Variants in AHRR observed in about 807,000 individuals in gnomAD.
AHRR encodes the protein aryl hydrocarbon receptor repressor, also known as ahR repressor.
In AHRR, 28 loss-of-function variants were observed where a neutral mutation model predicts 44.0. That is an observed-to-expected ratio of 0.64 (90% confidence interval 0.47 to 0.87). AHRR has a LOEUF of 0.87. AHRR is among the 40% of genes least tolerant of loss of function. The pLI is 0.00. For missense variants in AHRR, 990 were observed against 953.9 expected (o/e 1.04, Z -0.50); for synonymous variants, 434 against 407.0 (o/e 1.07, Z -0.80).
intron 2 of AHRR, among the ~76,000 whole-genome samples, chr5:350,441 A>T (rs764099607): frequency 6.6e-5 from 10 of 152,162 alleles, no homozygotes; most frequent in Admixed American, 3.3e-4. Context: ...TCTGCCCTGG[A>T]GTGAACTGGA....
At chr5:415,426 C>G (rs1466831163) in intron 5 of AHRR, among the ~76,000 whole-genome samples, 28 of 125,820 alleles carry the variant, frequency 2.2e-4, no homozygotes, top group East Asian at 2.9e-4. Flanking sequence ...GCCTAGGGGC[C>G]GAATCTGCCT....
intron 7 of AHRR, among the ~76,000 whole-genome samples, chr5:426,895 G>A (rs1176173605): frequency 1.3e-5 from 2 of 151,562 alleles, no homozygotes; most frequent in East Asian, 3.9e-4. Context: ...GTGGGTGGCT[G>A]GGTAGATGAA....
At chr5:433,831 G>A (rs752625815) in intron 10 of AHRR, 22 bp from the exon 11 acceptor site, 2 of 1,476,848 alleles carry the variant, frequency 1.4e-6, no homozygotes, top group Non-Finnish European at 1.8e-6. Flanking sequence ...GCTGTCAAAT[G>A]GGCCCCGTCT....
intron 5 of AHRR, among the ~76,000 whole-genome samples, chr5:415,938 G>A (rs576767773): frequency 9.9e-5 from 15 of 152,246 alleles, no homozygotes; most frequent in Admixed American, 1.3e-4. Context: ...CCTCTAGTCC[G>A]CCTCTAAGTT....
intron 10 of AHRR, among the ~76,000 whole-genome samples, chr5:433,233 C>T (rs1009415489): frequency 4.6e-5 from 7 of 152,058 alleles, no homozygotes; most frequent in South Asian, 2.1e-4. Context: ...ACCTGTCACT[C>T]GGACCCTGGG....
At position 370,417 on chromosome 5, in the gene AHRR, C is replaced by T. The variant is rs993503082; in HGVS notation, c.245-6193C>T. Among the ~76,000 whole-genome samples the T allele has an allele frequency of 6.6e-6, 1 of 152,190 alleles. No individual in the cohort carries two copies. On this transcript the variant is annotated intron_variant, in intron 3 of 10. Transcript: ENST00000684583. The surrounding 1 kb of genome is among the most constrained non-coding windows in gnomAD (Gnocchi z 4.5). The stretch of plus-strand genomic sequence containing the variant: ...AGGCTTCTCAGAGCATCCCATCCAA[C>T]TCCTGGACGGGAGAGGTGTCGTAAG...
intron 4 of AHRR, among the ~76,000 whole-genome samples, chr5:396,522 A>G (rs1460058985): frequency 1.3e-5 from 2 of 152,118 alleles, no homozygotes; most frequent in Admixed American, 6.5e-5. Flanking sequence ...CACAGAACAC[A>G]CTTGGCCTCA....
chr5:322,149 G>A (rs1417733265), intron 1 of AHRR, among the ~76,000 whole-genome samples: 2 of 152,124 alleles, frequency 1.3e-5, no homozygotes, highest in Non-Finnish European at 2.9e-5. Flanking sequence ...GGGTGCGGGC[G>A]GCGGAGCGGG....
At chr5:426,540 T>C (rs1318830958) in intron 7 of AHRR, among the ~76,000 whole-genome samples, 2 of 149,694 alleles carry the variant, frequency 1.3e-5, no homozygotes, top group African/African-American at 5.0e-5. Context: ...GACGGATGGA[T>C]AGATGGACAG....
Position 434,692 on chromosome 5 carries a change from C to T in AHRR, c.1952C>T (p.Ala651Val). 1 of 1,572,080 alleles carries T rather than the reference C, an allele frequency of 6.4e-7. No individual in the cohort carries two copies. ...EQSCTCRAAE[A>V]APVVKREPLD... ...TCCTGCACCTGCAGAGCTGCTGAGGCCGCCCCTGTGGTCAAGCGGGAGCCC... is the reference window on the plus strand; with the variant it reads ...TCCTGCACCTGCAGAGCTGCTGAGGTCGCCCCTGTGGTCAAGCGGGAGCCC... Residue 651 changes from alanine to valine, a missense_variant, in exon 11 of 11, where the codon GCC becomes GTC. Physicochemically the swap from Ala to Val is moderately conservative, Grantham distance 64. Transcript: ENST00000684583.
intron 7 of AHRR, among the ~76,000 whole-genome samples, chr5:425,265 A>G (rs768575426): frequency 4.6e-5 from 7 of 152,256 alleles, no homozygotes; most frequent in Non-Finnish European, 7.3e-5. Context: ...GTTGCCACGC[A>G]CACGCCCCAG....
intron 5 of AHRR, chr5:420,886 C>A (rs1736067697): frequency 2.9e-6 from 1 of 346,484 alleles, no homozygotes; most frequent in African/African-American, 2.2e-5. Context: ...GCAGCACGCA[C>A]AGACCCACGC....
At chr5:427,071 A>G (rs1736449052) in intron 7 of AHRR, among the ~76,000 whole-genome samples, 1 of 151,758 alleles carries the variant, frequency 6.6e-6, no homozygotes, top group Non-Finnish European at 1.5e-5. Context: ...GGGTGGATGG[A>G]TGGATGGATG....
chr5:412,881 C>T (rs776046611), intron 4 of AHRR, among the ~76,000 whole-genome samples: 16 of 151,990 alleles, frequency 1.1e-4, no homozygotes, highest in Non-Finnish European at 1.8e-4. Context: ...CCACCACACC[C>T]GGCTAATTTT....
intron 3 of AHRR, among the ~76,000 whole-genome samples, chr5:360,953 C>T (rs1743157562): frequency 6.6e-6 from 1 of 152,086 alleles, no homozygotes; most frequent in South Asian, 2.1e-4. Context: ...ATCCACATTG[C>T]AAAAAATGAG....
chr5:396,774 C>T (rs572865708), intron 4 of AHRR, among the ~76,000 whole-genome samples: 207 of 152,206 alleles, frequency 1.4e-3, no homozygotes, highest in African/African-American at 4.6e-3. Context: ...AGTCCAGCTC[C>T]CCCTGCATTC....
rs1004106861 is a variant in AHRR at position 432,501 on chromosome 5, A to G, written c.947A>G (p.His316Arg). Residue 316 changes from histidine (H) to arginine (R), a missense_variant, in exon 9 of 11, where the codon CAT becomes CGT. His to Arg is a conservative substitution (Grantham distance 29). Transcript: ENST00000684583. ...ATTSLCESEL[H>R]GKPNYSAGRS... The stretch of plus-strand genomic sequence containing the variant: ...ACCAGTCTGTGCGAATCGGAACTGC[A>G]TGGAAAACCCAATTACTCAGCAGGT... 2 of 1,614,226 alleles carry G rather than the reference A, an allele frequency of 1.2e-6. No homozygotes were observed. The highest frequency in any genetic ancestry group is 1.1e-5 in the South Asian group (1 of 91,086).
intron 3 of AHRR, among the ~76,000 whole-genome samples, chr5:368,860 A>C (rs1311803471): frequency 6.6e-6 from 1 of 152,222 alleles, no homozygotes; most frequent in East Asian, 1.9e-4. Flanking sequence ...TTCATTTTGC[A>C]CTGTGAGGAA....
rs1737121674 is a variant in AHRR, at chr5:437,177, T to C, written c.*2343T>C. On this transcript the variant is annotated 3_prime_UTR_variant, in exon 11 of 11. Coordinates refer to ENST00000684583, the MANE Select transcript of AHRR (RefSeq NM_001377236.1). ...CAGCCTGGGCAACACAGGAAGAATG[T>C]GTCTCTACAAAAAATAATTAAAAAT... is the stretch of plus-strand genomic sequence containing the variant. 6.6e-6 allele frequency: 1 copy of C among 152,300 alleles called. No individual in the cohort carries two copies. Among genetic ancestry groups the C allele is most frequent in the African/African-American group, 2.4e-5 (1 of 41,446 alleles). 9.4% of individuals were successfully genotyped at this position (152,300 alleles called of 1,614,324 possible).
Sources: gnomAD v4.1 joint callset for allele counts (sites outside exome capture counted in the v4.1 genomes callset) on GRCh38, gnomAD v4.1.1 for gene constraint, Gnocchi (gnomAD v3.1) non-coding constraint, MANE v1.5 for transcripts, NCBI Gene and HGNC (gene_info 2026-07-23, HGNC 2026-07-21) for gene names.